The following NCKAP5 variants were observed in gnomAD, a reference collection of about 807,000 sequenced individuals.
NCKAP5 encodes the protein nck-associated protein 5.
Under a neutral mutation model 167.0 loss-of-function variants are expected in NCKAP5, and 92 were observed. That is an observed-to-expected ratio of 0.55 (90% CI 0.47 to 0.66). The LOEUF (loss-of-function observed/expected upper bound fraction) is 0.66, where lower values mean the gene tolerates loss of function less well. Ranked by LOEUF, NCKAP5 falls within the 30% of genes least tolerant of loss-of-function variation. NCKAP5 has a pLI of 0.00. For missense variants in NCKAP5, 2,378 were observed against 2,315.0 expected, an observed-to-expected ratio of 1.03 and a Z score of -0.56; for synonymous variants, 891 against 877.4, an observed-to-expected ratio of 1.02 and a Z score of -0.27.
At chr2:133,667,057 A>T in the NCKAP5 span, among the ~76,000 whole-genome samples, 1 of 152,144 alleles carries the variant, frequency 6.6e-6, no homozygotes, top group East Asian at 1.9e-4. Flanking sequence ...TAGTTTCTTG[A>T]AAATATGTGA....
chr2:132,863,250 A>G (rs1690074726), intron 10 of NCKAP5, among the ~76,000 whole-genome samples: 1 of 152,196 alleles, frequency 6.6e-6, no homozygotes, highest in South Asian at 2.1e-4. Flanking sequence ...AGTAGTTAAT[A>G]AGACTTGACT....
intron 19 of NCKAP5, among the ~76,000 whole-genome samples, chr2:132,719,515 G>A (rs1036989456): frequency 2.6e-5 from 4 of 152,166 alleles, no homozygotes; most frequent in African/African-American, 9.7e-5. Context: ...GACAACCCTC[G>A]AAAAGTTCCC....
At chr2:132,997,934 C>T (rs540492736) in intron 6 of NCKAP5, among the ~76,000 whole-genome samples, 1 of 152,052 alleles carries the variant, frequency 6.6e-6, no homozygotes, top group Non-Finnish European at 1.5e-5. Context: ...TCATGTTTGC[C>T]GAACTATCAT....
At chr2:133,599,694 G>C in the NCKAP5 span, among the ~76,000 whole-genome samples, 1 of 150,806 alleles carries the variant, frequency 6.6e-6, no homozygotes, top group Admixed American at 6.6e-5. Context: ...GGCAGTGGCA[G>C]TTGTGGGATC....
intron 19 of NCKAP5, among the ~76,000 whole-genome samples, chr2:132,688,614 G>C (rs1212955141): frequency 3.9e-5 from 6 of 152,134 alleles, no homozygotes; most frequent in Non-Finnish European, 8.8e-5. Context: ...TAGCCTGCGG[G>C]GTTGGGCAGC....
At chr2:133,295,508 T>A (rs1339053258) in intron 4 of NCKAP5, among the ~76,000 whole-genome samples, 1 of 152,222 alleles carries the variant, frequency 6.6e-6, no homozygotes, top group African/African-American at 2.4e-5. Flanking sequence ...TTTCTTAAAA[T>A]ATCTATGACA....
At chr2:132,921,074 T>G (rs1695390164) in intron 8 of NCKAP5, among the ~76,000 whole-genome samples, 1 of 151,682 alleles carries the variant, frequency 6.6e-6, no homozygotes, top group Non-Finnish European at 1.5e-5. Context: ...ACTGTATATA[T>G]TCCCAGAGAG....
chr2:133,018,618 C>T (rs1403803860), intron 6 of NCKAP5, among the ~76,000 whole-genome samples: 3 of 152,146 alleles, frequency 2.0e-5, no homozygotes, highest in Non-Finnish European at 4.4e-5. Flanking sequence ...ACTTAGAACA[C>T]CTAGAACTGT....
chr2:133,108,733 T>C (rs1280672959), intron 6 of NCKAP5, among the ~76,000 whole-genome samples: 1 of 152,306 alleles, frequency 6.6e-6, no homozygotes, highest in Non-Finnish European at 1.5e-5. Context: ...ACCATTCTAC[T>C]CTGTGCTTCT....
intron 7 of NCKAP5, among the ~76,000 whole-genome samples, chr2:132,981,459 G>T (rs999725766): frequency 2.0e-5 from 3 of 152,268 alleles, no homozygotes; most frequent in East Asian, 3.9e-4. Context: ...GCATGCATGT[G>T]GCATGTGACA....
chr2:133,589,969 A>C, the NCKAP5 span, among the ~76,000 whole-genome samples: 1 of 152,122 alleles, frequency 6.6e-6, no homozygotes, highest in African/African-American at 2.4e-5. Flanking sequence ...GACAGAAAAG[A>C]ACATCAATGG....
intron 8 of NCKAP5, among the ~76,000 whole-genome samples, chr2:132,904,867 T>C (rs1364144974): frequency 6.6e-6 from 1 of 152,226 alleles, no homozygotes; most frequent in African/African-American, 2.4e-5. Context: ...TAAATCTTCA[T>C]AATGAGGATA....
intron 4 of NCKAP5, among the ~76,000 whole-genome samples, chr2:133,233,912 C>T (rs1265462211): frequency 6.6e-6 from 1 of 152,138 alleles, no homozygotes; most frequent in Non-Finnish European, 1.5e-5. Context: ...TATTTGTTGG[C>T]TATTAATGGA....
intron 5 of NCKAP5, among the ~76,000 whole-genome samples, chr2:133,210,911 A>T (rs1039050844): frequency 6.6e-6 from 1 of 152,132 alleles, no homozygotes; most frequent in African/African-American, 2.4e-5. Flanking sequence ...CCTTGTTAGA[A>T]GCCCTCCAAT....
intron 19 of NCKAP5, among the ~76,000 whole-genome samples, chr2:132,711,536 C>T (rs769834791): frequency 6.6e-6 from 1 of 152,170 alleles, no homozygotes; most frequent in South Asian, 2.1e-4. Flanking sequence ...CCTTTTTGAA[C>T]ATTTTCTAGT....
At chr2:133,480,627 A>G (rs1308555197) in intron 3 of NCKAP5, among the ~76,000 whole-genome samples, 5 of 152,066 alleles carry the variant, frequency 3.3e-5, no homozygotes, top group South Asian at 2.1e-4. Flanking sequence ...AGACAATTCT[A>G]CTCTTCAGAA....
chr2:133,527,926 G>A (rs1432287175), intron 2 of NCKAP5, among the ~76,000 whole-genome samples: 2 of 152,126 alleles, frequency 1.3e-5, no homozygotes, highest in Admixed American at 1.3e-4. Flanking sequence ...CTAGCCAGAT[G>A]TGGTGGCACG....
the NCKAP5 span, among the ~76,000 whole-genome samples, chr2:133,643,213 C>A: frequency 6.6e-6 from 1 of 152,098 alleles, no homozygotes. Context: ...TTTTATTGAC[C>A]TAGTAATTTT....
rs187223144 is a variant in NCKAP5, at chr2:133,494,243, A to G, written c.69+23215T>C. Among the ~76,000 whole-genome samples, 7 of 152,310 alleles carry G rather than the reference A, an allele frequency of 4.6e-5. No individual in the cohort carries two copies. The East Asian group carries it at 1.3e-3, about 29-fold the overall frequency. ...ATTCTCATATAGCCAAAAACCATACAGGCTTACCAACAACACTGCTATCAA... is the reference window on the plus strand; with the variant it reads ...ATTCTCATATAGCCAAAAACCATACGGGCTTACCAACAACACTGCTATCAA... On this transcript the variant is annotated intron_variant, in intron 3 of 19. Coordinates refer to ENST00000409261, the MANE Select transcript of NCKAP5 (RefSeq NM_207363.3).
Sources: gnomAD v4.1 joint callset for allele counts (sites outside exome capture counted in the v4.1 genomes callset) on GRCh38, gnomAD v4.1.1 for gene constraint, MANE v1.5 for transcripts, NCBI Gene and HGNC (gene_info 2026-07-23, HGNC 2026-07-21) for gene names.